Variants in UBE2E2 observed in about 807,000 individuals in gnomAD.
The protein encoded by UBE2E2 is ubiquitin-conjugating enzyme E2 E2.
In UBE2E2, 6 loss-of-function variants were observed where a neutral mutation model predicts 24.7. The observed-to-expected ratio is 0.24, with a 90% CI of 0.13 to 0.48. The LOEUF is 0.48. Ranked by LOEUF, UBE2E2 falls within the 20% of genes least tolerant of loss-of-function variation. The pLI, the probability that UBE2E2 is intolerant of heterozygous loss-of-function variation, is 0.99. For synonymous variants in UBE2E2, 104 were observed against 83.6 expected, an observed-to-expected ratio of 1.24 and a Z score of -1.33; for missense variants, 169 against 245.0, an observed-to-expected ratio of 0.69 and a Z score of 2.07.
At chr3:23,527,710 A>T (rs1490445094) in intron 4 of UBE2E2, among the ~76,000 whole-genome samples, 1 of 152,122 alleles carries the variant, frequency 6.6e-6, no homozygotes, top group Non-Finnish European at 1.5e-5. Context: ...TGCCTACATA[A>T]TGAAGCCTCC....
At chr3:23,337,089 G>A (rs1375992592) in intron 3 of UBE2E2, among the ~76,000 whole-genome samples, 1 of 150,194 alleles carries the variant, frequency 6.7e-6, no homozygotes, top group Non-Finnish European at 1.5e-5. Context: ...GCAGTGAGCC[G>A]AGATCATGCT....
chr3:23,303,684 G>A (rs949806154), intron 3 of UBE2E2, among the ~76,000 whole-genome samples: 1 of 152,144 alleles, frequency 6.6e-6, no homozygotes, highest in Admixed American at 6.5e-5. Context: ...TATAACACTT[G>A]AAATCTGAAG....
At chr3:23,297,746 C>G (rs1698952363) in intron 3 of UBE2E2, among the ~76,000 whole-genome samples, 1 of 152,072 alleles carries the variant, frequency 6.6e-6, no homozygotes, top group African/African-American at 2.4e-5. Flanking sequence ...GTTCTTTTGG[C>G]TTAGGATTGA....
intron 4 of UBE2E2, among the ~76,000 whole-genome samples, chr3:23,501,723 C>T (rs926492951): frequency 5.3e-5 from 8 of 152,122 alleles, no homozygotes; most frequent in Non-Finnish European, 7.4e-5. Context: ...AAGTAGATTT[C>T]AGTTTTCTCT....
chr3:23,336,940 G>A (rs1179099768), intron 3 of UBE2E2, among the ~76,000 whole-genome samples: 1 of 152,086 alleles, frequency 6.6e-6, no homozygotes, highest in Non-Finnish European at 1.5e-5. Context: ...AGGAGTTTGA[G>A]ACCAGTCTGG....
chr3:23,488,496 G>C (rs1699428424), intron 3 of UBE2E2, among the ~76,000 whole-genome samples: 1 of 152,126 alleles, frequency 6.6e-6, no homozygotes, highest in Non-Finnish European at 1.5e-5. Context: ...ATAGTTAACT[G>C]TCCCTCAGAT....
chr3:23,589,667 G>C lies in UBE2E2; in HGVS notation c.509-67G>C. The C allele has an allele frequency of 6.4e-7, 1 of 1,553,226 alleles. No individual in the cohort carries two copies. The highest frequency in any genetic ancestry group is 8.9e-7 in the Non-Finnish European group (1 of 1,129,018). ...TCTCCTACCCTCCCACTCCTTGCCA[G>C]CTTTCTGAACACTTCTTCCCCCACA... On this transcript the variant is annotated intron_variant, in intron 5 of 5. Transcript: ENST00000396703. The surrounding 1 kb of genome is among the most constrained non-coding windows in gnomAD (Gnocchi z 4.1).
intron 3 of UBE2E2, among the ~76,000 whole-genome samples, chr3:23,367,653 C>G (rs904842873): frequency 2.6e-5 from 4 of 152,072 alleles, no homozygotes; most frequent in Admixed American, 1.3e-4. Context: ...TGTGTGAGTT[C>G]CGTGATTTCG....
At chr3:23,351,432 A>G (rs2125320701) in intron 3 of UBE2E2, among the ~76,000 whole-genome samples, 1 of 152,374 alleles carries the variant, frequency 6.6e-6, no homozygotes, top group East Asian at 1.9e-4. Flanking sequence ...ATTAAAAGAC[A>G]GACTGGCAAA....
At chr3:23,275,958 G>GT (rs1698366224) in intron 3 of UBE2E2, among the ~76,000 whole-genome samples, 1 of 152,112 alleles carries the variant, frequency 6.6e-6, no homozygotes, top group African/African-American at 2.4e-5. Flanking sequence ...CAGAGACTAC[G>GT]TATCTGAGAG....
chr3:23,496,781 G>T (rs999721410), intron 3 of UBE2E2, among the ~76,000 whole-genome samples: 5 of 152,064 alleles, frequency 3.3e-5, no homozygotes, highest in African/African-American at 1.2e-4. Context: ...GTATACCTGG[G>T]AGTATAGTTG....
intron 4 of UBE2E2, among the ~76,000 whole-genome samples, chr3:23,510,512 C>T (rs1033877327): frequency 3.9e-5 from 6 of 151,916 alleles, no homozygotes; most frequent in African/African-American, 1.2e-4. Flanking sequence ...AAGGCTGAGA[C>T]ATGAGAATTG....
At chr3:23,441,151 C>G (rs1698294124) in intron 3 of UBE2E2, among the ~76,000 whole-genome samples, 1 of 152,024 alleles carries the variant, frequency 6.6e-6, no homozygotes, top group Non-Finnish European at 1.5e-5. Context: ...TCTGAAGCAT[C>G]AGATGAAAAC....
At chr3:23,495,473 G>A (rs1032203220) in intron 3 of UBE2E2, among the ~76,000 whole-genome samples, 1 of 152,184 alleles carries the variant, frequency 6.6e-6, no homozygotes, top group African/African-American at 2.4e-5. Context: ...CAGAGAAATC[G>A]TAGCTTGGTA....
At chr3:23,362,861 G>C (rs946246791) in intron 3 of UBE2E2, among the ~76,000 whole-genome samples, 1 of 152,206 alleles carries the variant, frequency 6.6e-6, no homozygotes, top group Non-Finnish European at 1.5e-5. Context: ...AGAAGGTGCA[G>C]CCTACTGTTG....
At chr3:23,570,161 C>A (rs1419298563) in intron 5 of UBE2E2, among the ~76,000 whole-genome samples, 1 of 152,066 alleles carries the variant, frequency 6.6e-6, no homozygotes, top group Non-Finnish European at 1.5e-5. Context: ...CCTTTTTCCC[C>A]CTAATCAAGC....
chr3:23,446,666 T>C (rs1344987760), intron 3 of UBE2E2, among the ~76,000 whole-genome samples: 1 of 150,828 alleles, frequency 6.6e-6, no homozygotes, highest in Non-Finnish European at 1.5e-5. Context: ...TCTACCAGTT[T>C]AAGGTTACAG....
At position 23,269,552 on chromosome 3, in the gene UBE2E2, G is replaced by C. The variant is rs544086748; in HGVS notation, c.227+52240G>C. On this transcript the variant is annotated intron_variant, in intron 3 of 5. Coordinates refer to ENST00000396703, the MANE Select transcript of UBE2E2 (RefSeq NM_152653.4). ...CACCTTCCAATGGGACAGGATTTGA[G>C]GGTGGGAGTTGGGGTAGGAGAAAGG... Among the ~76,000 whole-genome samples, 4 of 152,314 alleles carry C rather than the reference G, an allele frequency of 2.6e-5. No homozygotes were observed. In the East Asian group the frequency reaches 7.7e-4, roughly 29 times the overall value.
At chr3:23,333,118 T>G (rs1695110901) in intron 3 of UBE2E2, among the ~76,000 whole-genome samples, 1 of 152,192 alleles carries the variant, frequency 6.6e-6, no homozygotes, top group Non-Finnish European at 1.5e-5. Flanking sequence ...TCAGCCTTAA[T>G]CTGAAATACC....
Sources: gnomAD v4.1 joint callset for allele counts (sites outside exome capture counted in the v4.1 genomes callset) on GRCh38, gnomAD v4.1.1 for gene constraint, Gnocchi (gnomAD v3.1) non-coding constraint, MANE v1.5 for transcripts, NCBI Gene and HGNC (gene_info 2026-07-23, HGNC 2026-07-21) for gene names.